EPC1: variants seen among roughly 807,000 people sequenced by gnomAD.
The protein encoded by EPC1 is enhancer of polycomb 1.
In EPC1, 12 loss-of-function variants were observed where a neutral mutation model predicts 98.4. The observed-to-expected ratio is 0.12, with a 90% CI of 0.08 to 0.20. The LOEUF (loss-of-function observed/expected upper bound fraction) is 0.20. Ranked by LOEUF, EPC1 falls within the 10% of genes least tolerant of loss-of-function variation. The probability of loss-of-function intolerance (pLI) is 1.00; values close to 1 mark genes in which losing one functional copy is unlikely to be tolerated. For synonymous variants in EPC1, 357 were observed against 363.9 expected, an observed-to-expected ratio of 0.98 and a Z score of 0.21; for missense variants, 729 against 990.5, an observed-to-expected ratio of 0.74 and a Z score of 3.54.
At position 32,328,957 on chromosome 10, in the gene EPC1, T is replaced by TA. The variant is rs1467136775; in HGVS notation, c.153+17805dup. On this transcript the variant is annotated intron_variant, in intron 1 of 13. Coordinates refer to ENST00000319778, the MANE Select transcript of EPC1 (RefSeq NM_001272004.3). ...ATTATGCGTATCACCTGGAAACTCTTAAGTTTGATGCAATCATTACTTGGG... is the reference window on the plus strand; with the variant it reads ...ATTATGCGTATCACCTGGAAACTCTTAAAGTTTGATGCAATCATTACTTGGG... 3.9e-5 allele frequency among the ~76,000 whole-genome samples: 6 copies of TA among 152,374 alleles called. No homozygotes were observed. In the East Asian group the frequency reaches 7.7e-4, roughly 20 times the overall value.
At chr10:32,292,709 C>A in intron 4 of EPC1, 65 bp from the exon 5 acceptor site, 1 of 1,452,196 alleles carries the variant, frequency 6.9e-7, no homozygotes, top group South Asian at 1.3e-5. Context: ...TAGTTATTGA[C>A]CCATAAAATT....
chr10:32,308,434 A>G (rs1213157124), intron 1 of EPC1, among the ~76,000 whole-genome samples: 2 of 152,192 alleles, frequency 1.3e-5, no homozygotes, highest in East Asian at 3.8e-4. Context: ...TTGGTCAGAA[A>G]ATGAATACTT....
intron 10 of EPC1, among the ~76,000 whole-genome samples, chr10:32,276,276 C>T (rs1247122451): frequency 1.3e-5 from 2 of 152,150 alleles, no homozygotes; most frequent in Non-Finnish European, 2.9e-5. Flanking sequence ...TTTGTGATGC[C>T]GAGGCAGGTT....
At chr10:32,317,467 C>A (rs1005497574) in intron 1 of EPC1, among the ~76,000 whole-genome samples, 1 of 150,958 alleles carries the variant, frequency 6.6e-6, no homozygotes, top group African/African-American at 2.4e-5. Flanking sequence ...CATAGGGAAA[C>A]CCTGTCTCTA....
intron 10 of EPC1, among the ~76,000 whole-genome samples, chr10:32,274,834 T>C (rs1313793806): frequency 6.6e-6 from 1 of 152,172 alleles, no homozygotes; most frequent in Non-Finnish European, 1.5e-5. Flanking sequence ...GAAGAAAATC[T>C]AAAAAAGTCA....
At chr10:32,354,280 A>T (rs1316577796) in intron 1 of EPC1, among the ~76,000 whole-genome samples, 1 of 152,128 alleles carries the variant, frequency 6.6e-6, no homozygotes, top group African/African-American at 2.4e-5. Flanking sequence ...AAAGAAATGA[A>T]AAATGCATGA....
At chr10:32,313,106 T>C (rs1237374009) in intron 1 of EPC1, among the ~76,000 whole-genome samples, 1 of 152,030 alleles carries the variant, frequency 6.6e-6, no homozygotes, top group East Asian at 1.9e-4. Context: ...TCTGAGAGCA[T>C]GGTAATGTAA....
chr10:32,375,790 A>G (rs1293331577), intron 1 of EPC1, among the ~76,000 whole-genome samples: 1 of 152,062 alleles, frequency 6.6e-6, no homozygotes, highest in Non-Finnish European at 1.5e-5. Context: ...CATTTTGGGA[A>G]TTTTTTAAAA....
At chr10:32,353,459 G>A (rs373979144) in intron 1 of EPC1, among the ~76,000 whole-genome samples, 4 of 152,296 alleles carry the variant, frequency 2.6e-5, no homozygotes, top group African/African-American at 9.6e-5. Context: ...GGACAGTGAT[G>A]CAAAGAGTTA....
intron 1 of EPC1, among the ~76,000 whole-genome samples, chr10:32,323,462 C>A (rs1837060696): frequency 6.6e-6 from 1 of 152,106 alleles, no homozygotes; most frequent in Admixed American, 6.6e-5. Flanking sequence ...ACCATAAATT[C>A]TTTTCTTCTA....
intron 1 of EPC1, among the ~76,000 whole-genome samples, chr10:32,328,008 A>G (rs1012720676): frequency 1.3e-5 from 2 of 152,126 alleles, no homozygotes; most frequent in African/African-American, 4.8e-5. Context: ...AAAATTGACC[A>G]GAGTTTGTAA....
At chr10:32,328,661 G>A (rs756481334) in intron 1 of EPC1, among the ~76,000 whole-genome samples, 84 of 152,158 alleles carry the variant, frequency 5.5e-4, no homozygotes, top group Non-Finnish European at 7.9e-4. Flanking sequence ...CCCCACCAGG[G>A]AGCAGACCTA....
chr10:32,358,828 A>G (rs113529359), intron 1 of EPC1, among the ~76,000 whole-genome samples: 76 of 152,070 alleles, frequency 5.0e-4, no homozygotes, highest in African/African-American at 1.6e-3. Flanking sequence ...TTCTTTCCAG[A>G]TATTAGTTTA....
At chr10:32,351,394 T>A (rs1167918344), upstream of EPC1, among the ~76,000 whole-genome samples, 1 of 152,146 alleles carries the variant, frequency 6.6e-6, no homozygotes, top group Non-Finnish European at 1.5e-5. Flanking sequence ...CGGTGGCTCA[T>A]GCCTGTAATC....
chr10:32,373,931 C>G (rs1839818549), intron 1 of EPC1, among the ~76,000 whole-genome samples: 1 of 152,138 alleles, frequency 6.6e-6, no homozygotes, highest in South Asian at 2.1e-4. Flanking sequence ...AGTATGAAAG[C>G]AAACTAAATA....
intron 1 of EPC1, among the ~76,000 whole-genome samples, chr10:32,315,334 A>T (rs191465809): frequency 1.3e-5 from 2 of 152,346 alleles, no homozygotes; most frequent in Admixed American, 6.5e-5. Flanking sequence ...AAACATTACC[A>T]ATCTAAAAAG....
At chr10:32,290,257 G>A (rs1836920228) in intron 6 of EPC1, among the ~76,000 whole-genome samples, 1 of 151,882 alleles carries the variant, frequency 6.6e-6, no homozygotes, top group African/African-American at 2.4e-5. Flanking sequence ...CTAGACGGGC[G>A]GATCACCTGA....
At chr10:32,346,069 A>G (rs1283316310) in intron 1 of EPC1, among the ~76,000 whole-genome samples, 1 of 152,246 alleles carries the variant, frequency 6.6e-6, no homozygotes, top group Non-Finnish European at 1.5e-5. Context: ...CAAACGTCCC[A>G]GAAAGAGGAC....
Position 32,321,139 on chromosome 10 carries a change from G to A in EPC1, c.154-15208C>T, listed in dbSNP as rs73247712. Among the ~76,000 whole-genome samples the A allele has an allele frequency of 9.2e-3, 1,406 of 152,088 alleles. 31 individuals carry two copies. Among genetic ancestry groups the A allele is most frequent in the African/African-American group, 0.032 (1,345 of 41,476 alleles). Reference sequence around the variant, plus strand: ...GACAAAGATTAGAGGTTAAACTATAGTGTGGGGCCAAATCTAGCCCACCAC... The same window carrying A: ...GACAAAGATTAGAGGTTAAACTATAATGTGGGGCCAAATCTAGCCCACCAC... On this transcript the variant is annotated intron_variant, in intron 1 of 13. Coordinates refer to ENST00000319778, the MANE Select transcript of EPC1 (RefSeq NM_001272004.3).
Sources: allele counts gnomAD v4.1 joint callset (sites outside exome capture counted in the v4.1 genomes callset), GRCh38; gene constraint gnomAD v4.1.1; transcripts MANE v1.5; gene names NCBI Gene and HGNC (gene_info 2026-07-23, HGNC 2026-07-21).